The following TBL1Y variants were observed in gnomAD, a reference collection of about 807,000 sequenced individuals.
TBL1Y encodes the protein transducin beta like 1 Y-linked.
A neutral mutation model predicts 12.0 loss-of-function variants in TBL1Y; 15 were observed. The observed-to-expected ratio is 1.25, with a 90% CI of 0.83 to 1.92. The LOEUF is 1.92. Ranked by LOEUF, TBL1Y falls within the 40% of genes most tolerant of loss-of-function variation. TBL1Y has a pLI of 0.00. For synonymous variants in TBL1Y, 53 were observed against 42.6 expected, an observed-to-expected ratio of 1.24 and a Z score of -0.95; for missense variants, 148 against 116.7, an observed-to-expected ratio of 1.27 and a Z score of -1.24.
intron 2 of TBL1Y, among the ~76,000 whole-genome samples, chrY:6,952,020 T>C: frequency 3.0e-5 from 1 of 33,739 alleles, no homozygotes; most frequent in Non-Finnish European, 7.3e-5. Context: ...TCCAGTTTGA[T>C]AGCACTGTGG....
At chrY:7,052,001 A>G (rs1002025213) in intron 7 of TBL1Y, among the ~76,000 whole-genome samples, 1 of 34,371 alleles carries the variant, frequency 2.9e-5, no homozygotes, top group Non-Finnish European at 7.3e-5. Flanking sequence ...CAACATATGT[A>G]AAATGAACAT....
intron 2 of TBL1Y, among the ~76,000 whole-genome samples, chrY:6,954,910 C>T: frequency 3.0e-5 from 1 of 33,782 alleles, no homozygotes; most frequent in Non-Finnish European, 7.3e-5. Flanking sequence ...ACCAATACTA[C>T]AGTAACTAAG....
At chrY:7,077,335 C>G (rs936122307) in intron 13 of TBL1Y, among the ~76,000 whole-genome samples, 2 of 33,164 alleles carry the variant, frequency 6.0e-5, no homozygotes, top group East Asian at 1.6e-3. Context: ...AGGGCAGAGT[C>G]CCCCAGCATA....
intron 3 of TBL1Y, among the ~76,000 whole-genome samples, chrY:6,983,561 G>A: frequency 3.0e-5 from 1 of 33,453 alleles, no homozygotes; most frequent in Admixed American, 2.7e-4. Context: ...CTTCTCTAGA[G>A]TTGAAAATAT....
At chrY:6,957,595 C>G (rs2012078179) in intron 2 of TBL1Y, among the ~76,000 whole-genome samples, 3 of 34,005 alleles carry the variant, frequency 8.8e-5, no homozygotes, top group African/African-American at 3.4e-4. Flanking sequence ...CACTTGTGCT[C>G]TAACCCAGTT....
At chrY:6,967,146 C>A (rs2012174439) in intron 2 of TBL1Y, among the ~76,000 whole-genome samples, 1 of 32,857 alleles carries the variant, frequency 3.0e-5, no homozygotes, top group Non-Finnish European at 7.4e-5. Flanking sequence ...GCTTTCTTCC[C>A]TCCTGGAGTT....
chrY:6,981,163 G>A, intron 3 of TBL1Y, among the ~76,000 whole-genome samples: 2 of 33,189 alleles, frequency 6.0e-5, no homozygotes, highest in Non-Finnish European at 1.5e-4. Flanking sequence ...ATATTATACC[G>A]CATCAAAGCT....
intron 2 of TBL1Y, among the ~76,000 whole-genome samples, chrY:6,917,528 C>T: frequency 3.0e-5 from 1 of 33,253 alleles, no homozygotes; most frequent in South Asian, 6.8e-4. Flanking sequence ...TTTAGGGTGA[C>T]GTATTAGTAA....
At chrY:6,992,677 C>T (rs979021565) in intron 3 of TBL1Y, among the ~76,000 whole-genome samples, 3 of 33,504 alleles carry the variant, frequency 9.0e-5, no homozygotes, top group East Asian at 7.9e-4. Flanking sequence ...CAGCAGGGCA[C>T]GGTCATTGCA....
At chrY:7,072,727 C>T in intron 12 of TBL1Y, among the ~76,000 whole-genome samples, 1 of 34,269 alleles carries the variant, frequency 2.9e-5, no homozygotes, top group African/African-American at 1.1e-4. Context: ...CTCCAGGTTC[C>T]TCTAAAAGCC....
intron 6 of TBL1Y, among the ~76,000 whole-genome samples, chrY:7,025,811 TG>T (rs2012621092): frequency 6.0e-5 from 2 of 33,316 alleles, no homozygotes; most frequent in Non-Finnish European, 1.5e-4. Context: ...TTTGTGGGGG[TG>T]GGGGCACAGT....
At chrY:6,972,331 C>T (rs2124123253) in intron 2 of TBL1Y, among the ~76,000 whole-genome samples, 1 of 33,347 alleles carries the variant, frequency 3.0e-5, no homozygotes, top group Admixed American at 2.8e-4. Context: ...TGATTTATTT[C>T]TGAATGAATT....
chrY:7,011,312 C>G (rs1047084139), intron 4 of TBL1Y, among the ~76,000 whole-genome samples: 3 of 34,021 alleles, frequency 8.8e-5, no homozygotes, highest in Admixed American at 7.9e-4. Context: ...TGCCCACTGT[C>G]CCCCTGGGGG....
intron 2 of TBL1Y, among the ~76,000 whole-genome samples, chrY:6,974,105 C>T: frequency 3.0e-5 from 1 of 33,772 alleles, no homozygotes; most frequent in Admixed American, 2.7e-4. Context: ...TTCTACACTT[C>T]CAAGGCCCTG....
chrY:7,002,805 G>A (rs2012460629), intron 4 of TBL1Y, among the ~76,000 whole-genome samples: 1 of 33,732 alleles, frequency 3.0e-5, no homozygotes, highest in African/African-American at 1.2e-4. Context: ...GGATATCTTC[G>A]TTTGCAGCTT....
chrY:7,073,715 A>T (rs2013046921), intron 12 of TBL1Y, among the ~76,000 whole-genome samples: 1 of 34,007 alleles, frequency 2.9e-5, no homozygotes, highest in African/African-American at 1.1e-4. Context: ...GTCTTAAAGC[A>T]AAATCTTGAC....
chrY:6,972,265 G>A, intron 2 of TBL1Y, among the ~76,000 whole-genome samples: 2 of 32,699 alleles, frequency 6.1e-5, no homozygotes, highest in Non-Finnish European at 1.5e-4. Context: ...CTACCCTCAG[G>A]CAATCCCTAT....
intron 6 of TBL1Y, among the ~76,000 whole-genome samples, chrY:7,035,631 G>C (rs2012687852): frequency 3.0e-5 from 1 of 33,328 alleles, no homozygotes; most frequent in African/African-American, 1.2e-4. Flanking sequence ...CAGAAAAAAG[G>C]GTTCATGTCC....
At chrY:7,078,775 A>G in intron 13 of TBL1Y, among the ~76,000 whole-genome samples, 1 of 33,611 alleles carries the variant, frequency 3.0e-5, no homozygotes. Flanking sequence ...CTTCAGGGGA[A>G]AAGAGGAGAT....
Sources: gnomAD v4.1 joint callset for allele counts (sites outside exome capture counted in the v4.1 genomes callset) on GRCh38, gnomAD v4.1.1 for gene constraint, MANE v1.5 for transcripts, NCBI Gene and HGNC (gene_info 2026-07-23, HGNC 2026-07-21) for gene names.